Variants in FBXL13 observed in about 807,000 individuals in gnomAD.
FBXL13 encodes F-box and leucine-rich repeat protein 13.
In FBXL13, 67 loss-of-function variants were observed where a neutral mutation model predicts 83.6. That is an observed-to-expected ratio of 0.80 (90% CI 0.66 to 0.98). FBXL13 has a LOEUF of 0.98. Ranked by LOEUF, FBXL13 falls within the 50% of genes least tolerant of loss-of-function variation. The pLI, the probability that FBXL13 is intolerant of heterozygous loss-of-function variation, is 0.00. For missense variants in FBXL13, 822 were observed against 866.5 expected (o/e 0.95, Z 0.64); for synonymous variants, 272 against 299.5 (o/e 0.91, Z 0.95).
chr7:102,883,538 A>T (rs750059598), intron 13 of FBXL13, 30 bp downstream of exon 14: 2 of 1,587,270 alleles, frequency 1.3e-6, no homozygotes, highest in South Asian at 2.2e-5. Flanking sequence ...GTAAACAATA[A>T]TGCTGAACCA....
chr7:102,845,057 G>C (rs1301726301), intron 17 of FBXL13, among the ~76,000 whole-genome samples: 1 of 152,094 alleles, frequency 6.6e-6, no homozygotes, highest in Non-Finnish European at 1.5e-5. Flanking sequence ...CGCCAACCTG[G>C]AAGTACTCTA....
intron 10 of FBXL13, among the ~76,000 whole-genome samples, chr7:102,915,122 ATTTTTTT>A (rs386410852): frequency 7.8e-6 from 1 of 128,068 alleles, no homozygotes; most frequent in East Asian, 2.2e-4. Flanking sequence ...AGATTAAAAT[ATTTTTTT>A]TTTTTTTTTT....
rs542637763 is a variant in FBXL13, at chr7:102,838,882, C to T, written c.1720-5908G>A. On this transcript the variant is annotated intron_variant, in intron 17 of 19. Coordinates refer to ENST00000313221, the Ensembl canonical transcript of FBXL13. ...CATGTGATAGTCTGAAATATGGCCTCGTGGGATGGCAAAGACCTCGTGGGA... is the reference window on the plus strand; with the variant it reads ...CATGTGATAGTCTGAAATATGGCCTTGTGGGATGGCAAAGACCTCGTGGGA... Among the ~76,000 whole-genome samples the T allele has an allele frequency of 2.0e-5, 3 of 152,170 alleles. No homozygotes were observed. The South Asian group carries it at 6.2e-4, about 32-fold the overall frequency.
chr7:102,931,751 G>A (rs1819217815), intron 9 of FBXL13, 130 bp downstream of exon 10: 2 of 755,064 alleles, frequency 2.6e-6, no homozygotes, highest in East Asian at 5.5e-5. Flanking sequence ...TCTTGTCAAT[G>A]TTTAACATAG....
chr7:103,056,194 T>C (rs1252803058), intron 1 of FBXL13, among the ~76,000 whole-genome samples: 2 of 152,216 alleles, frequency 1.3e-5, no homozygotes, highest in African/African-American at 2.4e-5. Context: ...TTCCTTTTCA[T>C]GGCTGAGTCA....
chr7:102,961,682 C>T (rs1176076824), intron 8 of FBXL13, among the ~76,000 whole-genome samples: 54 of 151,468 alleles, frequency 3.6e-4, no homozygotes, highest in African/African-American at 1.2e-3. Flanking sequence ...AATAACGCTG[C>T]ATATCTACAA....
intron 1 of FBXL13, 95 bp from the exon 2 acceptor site, chr7:103,055,842 T>A: frequency 1.9e-6 from 1 of 523,808 alleles, no homozygotes; most frequent in Non-Finnish European, 3.1e-6. Flanking sequence ...TGTTTTGGGT[T>A]TTTTTGGTTT....
chr7:102,867,695 A>ATATTT lies in FBXL13; in HGVS notation c.1635+9771_1635+9772insAAATA, dbSNP rs1239781180. The stretch of plus-strand genomic sequence containing the variant: ...TATATATATATATATATATATATAT[A>ATATTT]TTTTTTTTTTTTTTTTTTTTTTTTT... On this transcript the variant is annotated intron_variant, in intron 16 of 19. Transcript: ENST00000313221. 1.8e-4 allele frequency among the ~76,000 whole-genome samples: 9 copies of ATATTT among 49,076 alleles called. 1 individual carries two copies. The highest frequency in any genetic ancestry group is 7.3e-4 in the African/African-American group (6 of 8,164). The allele number at this position is 49,076 out of a possible 152,430, so 32.2% of individuals were successfully genotyped here. A position where few individuals can be genotyped will look rare whatever the true frequency, so the allele number is the denominator to read the frequency against.
At chr7:102,851,719 G>C (rs574797316) in intron 17 of FBXL13, among the ~76,000 whole-genome samples, 1 of 151,888 alleles carries the variant, frequency 6.6e-6, no homozygotes, top group African/African-American at 2.4e-5. Context: ...TTCCCTTCTT[G>C]TTCAATACAT....
intron 2 of FBXL13, among the ~76,000 whole-genome samples, chr7:103,038,620 G>A (rs762767880): frequency 6.6e-6 from 1 of 152,184 alleles, no homozygotes; most frequent in Non-Finnish European, 1.5e-5. Context: ...TCCAGAGGAA[G>A]GATCAGGCAG....
chr7:102,873,054 C>T (rs1808734754), intron 16 of FBXL13, among the ~76,000 whole-genome samples: 1 of 152,174 alleles, frequency 6.6e-6, no homozygotes, highest in South Asian at 2.1e-4. Flanking sequence ...TAAGTTAGCT[C>T]TCTCCAATAA....
At chr7:102,966,150 C>A (rs1043587927) in intron 7 of FBXL13, among the ~76,000 whole-genome samples, 2 of 152,204 alleles carry the variant, frequency 1.3e-5, no homozygotes, top group African/African-American at 4.8e-5. Flanking sequence ...TCTTACCAAA[C>A]CTATCTTAGC....
intron 6 of FBXL13, among the ~76,000 whole-genome samples, chr7:102,978,867 A>G (rs1194417110): frequency 6.6e-6 from 1 of 152,242 alleles, no homozygotes. Flanking sequence ...CCACAAAGTG[A>G]CAAGGAGAAT....
chr7:102,842,003 A>G (rs1391869348), intron 17 of FBXL13, among the ~76,000 whole-genome samples: 1 of 152,178 alleles, frequency 6.6e-6, no homozygotes, highest in Non-Finnish European at 1.5e-5. Context: ...ACCCTGTAAA[A>G]CACTTCTAAA....
At position 103,049,858 on chromosome 7, in the gene FBXL13, A is replaced by G. The variant is rs144215760; in HGVS notation, c.-1+5786T>C. ...GCTCTGAGAAAGGAAAATTCAAGAC[A>G]GTTGGTGGAGGGGAAGAGAATCAAA... is the stretch of plus-strand genomic sequence containing the variant. On this transcript the variant is annotated intron_variant, in intron 2 of 19. Coordinates refer to ENST00000313221, the Ensembl canonical transcript of FBXL13. Among the ~76,000 whole-genome samples, 1,194 of 152,344 alleles carry G rather than the reference A, an allele frequency of 7.8e-3. 7 individuals are homozygous for G. The highest frequency in any genetic ancestry group is 0.013 in the Non-Finnish European group (906 of 68,036).
intron 11 of FBXL13, among the ~76,000 whole-genome samples, chr7:102,902,531 C>T (rs1813093454): frequency 6.6e-6 from 1 of 152,116 alleles, no homozygotes; most frequent in South Asian, 2.1e-4. Flanking sequence ...TGGAGATTTT[C>T]TCCAATGTTC....
intron 16 of FBXL13, among the ~76,000 whole-genome samples, chr7:102,868,969 G>A (rs113729777): frequency 3.3e-5 from 5 of 152,206 alleles, no homozygotes; most frequent in African/African-American, 1.2e-4. Context: ...TGCCTGGCTT[G>A]ATTTCATTTC....
chr7:103,017,631 G>T (rs1792527964), intron 6 of FBXL13, among the ~76,000 whole-genome samples: 1 of 152,180 alleles, frequency 6.6e-6, no homozygotes, highest in African/African-American at 2.4e-5. Context: ...GTCCTTAAAT[G>T]ATCTGATGGA....
At chr7:102,889,586 C>T (rs1459351886) in intron 11 of FBXL13, among the ~76,000 whole-genome samples, 3 of 151,886 alleles carry the variant, frequency 2.0e-5, no homozygotes, top group South Asian at 4.2e-4. Context: ...GACAGGCCCC[C>T]GTGTGTGATG....
Sources: gnomAD v4.1 joint callset for allele counts (sites outside exome capture counted in the v4.1 genomes callset) on GRCh38, gnomAD v4.1.1 for gene constraint, MANE v1.5 for transcripts, NCBI Gene and HGNC (gene_info 2026-07-23, HGNC 2026-07-21) for gene names.